FHIT: variants seen among roughly 807,000 people sequenced by gnomAD.
FHIT encodes bis(5'-adenosyl)-triphosphatase.
Under a neutral mutation model 17.9 loss-of-function variants are expected in FHIT, and 19 were observed. The observed-to-expected ratio is 1.06, with a 90% confidence interval of 0.74 to 1.56. The LOEUF (loss-of-function observed/expected upper bound fraction) is 1.56. Ranked by LOEUF, FHIT falls within the 40% of genes most tolerant of loss-of-function variation. The pLI is 0.00. For missense variants in FHIT, 248 were observed against 189.2 expected (o/e 1.31, Z -1.82); for synonymous variants, 81 against 69.7 (o/e 1.16, Z -0.81).
intron 4 of FHIT, among the ~76,000 whole-genome samples, chr3:60,761,281 T>A (rs1189901289): frequency 6.6e-6 from 1 of 152,212 alleles, no homozygotes; most frequent in Non-Finnish European, 1.5e-5. Context: ...GAATACAAGA[T>A]AACATAGAGA....
intron 8 of FHIT, among the ~76,000 whole-genome samples, chr3:59,918,318 G>A (rs1705234065): frequency 6.6e-6 from 1 of 152,100 alleles, no homozygotes; most frequent in African/African-American, 2.4e-5. Context: ...ATAATTGGGG[G>A]ATGCAGGTAT....
chr3:59,772,649 G>A (rs1702125294), intron 8 of FHIT, among the ~76,000 whole-genome samples: 1 of 152,178 alleles, frequency 6.6e-6, no homozygotes, highest in African/African-American at 2.4e-5. Flanking sequence ...GAGAGGCAAT[G>A]CCACAAAAAA....
chr3:60,223,916 C>A (rs969818993), intron 5 of FHIT, among the ~76,000 whole-genome samples: 1 of 152,092 alleles, frequency 6.6e-6, no homozygotes, highest in Non-Finnish European at 1.5e-5. Flanking sequence ...ATTCTGTGCC[C>A]GTGCTGCGTC....
chr3:60,364,041 CA>C (rs2107015991), intron 5 of FHIT, among the ~76,000 whole-genome samples: 1 of 152,292 alleles, frequency 6.6e-6, no homozygotes, highest in South Asian at 2.1e-4. Context: ...ACTATAACAT[CA>C]TCTGTGGTTT....
chr3:60,598,823 A>C (rs2038351074), intron 4 of FHIT, among the ~76,000 whole-genome samples: 1 of 152,130 alleles, frequency 6.6e-6, no homozygotes, highest in African/African-American at 2.4e-5. Flanking sequence ...ATTTGAGAGA[A>C]GTTTGTGCAA....
chr3:60,675,736 C>A (rs906243116), intron 4 of FHIT, among the ~76,000 whole-genome samples: 1 of 152,320 alleles, frequency 6.6e-6, no homozygotes, highest in East Asian at 1.9e-4. Context: ...CACTGGCTTG[C>A]AAATGCATCT....
chr3:59,902,228 T>C (rs1280995702), intron 8 of FHIT, among the ~76,000 whole-genome samples: 1 of 151,804 alleles, frequency 6.6e-6, no homozygotes, highest in Non-Finnish European at 1.5e-5. Context: ...TTCAGGGAAA[T>C]GGAAATAAAA....
At chr3:60,393,428 A>C (rs532661174) in intron 5 of FHIT, among the ~76,000 whole-genome samples, 1 of 149,636 alleles carries the variant, frequency 6.7e-6, no homozygotes, top group Non-Finnish European at 1.5e-5. Flanking sequence ...ATATAATTTT[A>C]CATATAACTT....
chr3:60,728,069 A>G (rs1161113917), intron 4 of FHIT, among the ~76,000 whole-genome samples: 1 of 152,216 alleles, frequency 6.6e-6, no homozygotes, highest in Non-Finnish European at 1.5e-5. Context: ...GAAAATGCCT[A>G]TTTTGATTTT....
chr3:59,863,461 T>C (rs1458010043), intron 8 of FHIT, among the ~76,000 whole-genome samples: 6 of 152,238 alleles, frequency 3.9e-5, no homozygotes, highest in Admixed American at 2.0e-4. Context: ...TATGATCCTA[T>C]AGCATCCTAC....
intron 2 of FHIT, among the ~76,000 whole-genome samples, chr3:61,129,621 C>G (rs1459381038): frequency 6.6e-6 from 1 of 152,148 alleles, no homozygotes; most frequent in Non-Finnish European, 1.5e-5. Flanking sequence ...GAACAAAATA[C>G]AAATTCAAAG....
At chr3:60,322,183 A>C (rs747050619) in intron 5 of FHIT, among the ~76,000 whole-genome samples, 7 of 152,206 alleles carry the variant, frequency 4.6e-5, no homozygotes, top group Non-Finnish European at 1.0e-4. Flanking sequence ...ATGCCTGCTC[A>C]ATGTGTGGAA....
chr3:61,111,779 C>T (rs1238189979), intron 2 of FHIT, among the ~76,000 whole-genome samples: 1 of 152,164 alleles, frequency 6.6e-6, no homozygotes. Flanking sequence ...TTACTATATC[C>T]TAAGCAGATA....
chr3:60,758,649 G>A (rs767370907), intron 4 of FHIT, among the ~76,000 whole-genome samples: 50 of 152,144 alleles, frequency 3.3e-4, no homozygotes, highest in Non-Finnish European at 6.5e-4. Flanking sequence ...TAGAGCTGTC[G>A]CTTAAAAATT....
intron 2 of FHIT, among the ~76,000 whole-genome samples, chr3:61,167,698 G>C (rs1016652018): frequency 5.3e-5 from 8 of 150,304 alleles, no homozygotes; most frequent in African/African-American, 2.0e-4. Context: ...AGAAAGGACA[G>C]GACAGGAAAG....
At chr3:60,600,423 TCA>T (rs2038406002) in intron 4 of FHIT, among the ~76,000 whole-genome samples, 1 of 152,056 alleles carries the variant, frequency 6.6e-6, no homozygotes, top group Non-Finnish European at 1.5e-5. Flanking sequence ...GATTACAGAA[TCA>T]CACTCCCCAC....
intron 2 of FHIT, among the ~76,000 whole-genome samples, chr3:61,054,247 G>T (rs1235199139): frequency 1.3e-5 from 2 of 152,198 alleles, no homozygotes; most frequent in Non-Finnish European, 2.9e-5. Context: ...TCTAATGGAG[G>T]TTGTGCTAAT....
chr3:61,181,803 C>T (rs2038352677), intron 2 of FHIT, among the ~76,000 whole-genome samples: 1 of 152,142 alleles, frequency 6.6e-6, no homozygotes, highest in African/African-American at 2.4e-5. Flanking sequence ...ACAATTTTTC[C>T]TATCCCTTAG....
At chr3:60,196,974 C>T (rs901470324) in intron 5 of FHIT, among the ~76,000 whole-genome samples, 9 of 152,100 alleles carry the variant, frequency 5.9e-5, no homozygotes, top group Admixed American at 2.6e-4. Context: ...ATATAAACTC[C>T]ATCCAACATG....
Sources: allele counts gnomAD v4.1 joint callset (sites outside exome capture counted in the v4.1 genomes callset), GRCh38; gene constraint gnomAD v4.1.1; transcripts MANE v1.5; gene names NCBI Gene and HGNC (gene_info 2026-07-23, HGNC 2026-07-21).